ZNF33B: variants seen among roughly 807,000 people sequenced by gnomAD.
The protein encoded by ZNF33B is zinc finger protein 33B.
A neutral mutation model predicts 45.8 loss-of-function variants in ZNF33B; 29 were observed. The observed-to-expected ratio is 0.63, with a 90% CI of 0.47 to 0.86. The LOEUF (loss-of-function observed/expected upper bound fraction) is 0.86. ZNF33B is among the 40% of genes least tolerant of loss of function. ZNF33B has a pLI of 0.00. For missense variants in ZNF33B, 831 were observed against 909.9 expected (o/e 0.91, Z 1.12); for synonymous variants, 305 against 307.8 (o/e 0.99, Z 0.10).
chr10:42,591,155 C>G lies in ZNF33B; in HGVS notation c.*1458G>C. The G allele has an allele frequency of 8.1e-6, 4 of 494,516 alleles. No individual in the cohort carries two copies. Among genetic ancestry groups the G allele is most frequent in the Non-Finnish European group, 1.0e-5 (4 of 381,784 alleles). 30.6% of individuals were successfully genotyped at this position (494,516 alleles called of 1,614,324 possible). On this transcript the variant is annotated 3_prime_UTR_variant, in exon 5 of 5. Transcript: ENST00000359467. Reference sequence around the variant, plus strand: ...CTCCTCTTCATATTCTCAAAAGTCTCTGAAGGCCCAGATCCCTGTCTGGGT... The same window carrying G: ...CTCCTCTTCATATTCTCAAAAGTCTGTGAAGGCCCAGATCCCTGTCTGGGT...
intron 4 of ZNF33B, among the ~76,000 whole-genome samples, chr10:42,616,814 G>A (rs1452749529): frequency 6.6e-6 from 1 of 152,100 alleles, no homozygotes; most frequent in Admixed American, 6.6e-5. Context: ...TCCTGCCTCA[G>A]CCTCCTGAGT....
At chr10:42,625,038 TTATATATA>T (rs58614890) in intron 4 of ZNF33B, among the ~76,000 whole-genome samples, 2 of 145,510 alleles carry the variant, frequency 1.4e-5, no homozygotes, top group African/African-American at 2.5e-5. Flanking sequence ...GTTTCATATT[TTATATATA>T]TATATATATA....
Position 42,593,148 on chromosome 10 carries a change from CTATTA to C in ZNF33B, c.1797_1801del (p.His599GlnfsTer10), listed in dbSNP as rs1335502270. On this transcript the variant is annotated frameshift_variant, in exon 5 of 5. Coordinates refer to ENST00000359467, the MANE Select transcript of ZNF33B (RefSeq NM_006955.3). LOFTEE classifies it high-confidence loss of function. ...ATAGGGTTTCTCCCCTGTATGTGTT[CTATTA>C]TGTTTTGTTAGGTATGATTTATTGT... The C allele has an allele frequency of 4.3e-6, 7 of 1,613,420 alleles. No homozygotes were observed. The African/African-American group carries it at 9.4e-5, about 22-fold the overall frequency.
chr10:42,638,561 A>T lies in ZNF33B; in HGVS notation c.-132T>A, dbSNP rs41302245. ...CCGCCTCCCACGCAAAACGTGAGAC[A>T]AACAAAAGGAAAGGCGGAAACGCAG... is the stretch of plus-strand genomic sequence containing the variant. On this transcript the variant is annotated 5_prime_UTR_variant, in exon 1 of 5. Transcript: ENST00000359467. 4.2e-6 allele frequency: 2 copies of T among 474,672 alleles called. No homozygotes were observed. The highest frequency in any genetic ancestry group is 1.3e-4 in the East Asian group (2 of 15,944). The allele number at this position is 474,672 out of a possible 1,614,324, so 29.4% of individuals were successfully genotyped here.
chr10:42,610,364 T>C (rs1157060509), intron 4 of ZNF33B, among the ~76,000 whole-genome samples: 1 of 152,106 alleles, frequency 6.6e-6, no homozygotes, highest in Non-Finnish European at 1.5e-5. Context: ...GGTGAAACCC[T>C]GTCTCTACTA....
downstream of ZNF33B, among the ~76,000 whole-genome samples, chr10:42,586,083 C>T (rs1836928688): frequency 6.6e-6 from 1 of 151,780 alleles, no homozygotes; most frequent in African/African-American, 2.4e-5. Context: ...TACGGTTTCT[C>T]TAGGGTGTGC....
intron 4 of ZNF33B, among the ~76,000 whole-genome samples, chr10:42,609,580 T>C (rs1177652942): frequency 6.6e-6 from 1 of 152,198 alleles, no homozygotes; most frequent in Non-Finnish European, 1.5e-5. Flanking sequence ...GCTCATTCTA[T>C]GATCCCATTA....
chr10:42,583,440 GAGATGGTACTAGATAA>G (rs1836863330), intron 1 of ZNF33B: 2 of 310,934 alleles, frequency 6.4e-6, no homozygotes, highest in Non-Finnish European at 1.3e-5. Context: ...ATTGCCCGCT[GAGATGGTACTAGATAA>G]ATGGGAGCTG....
At chr10:42,627,979 T>C (rs1411685028) in intron 4 of ZNF33B, among the ~76,000 whole-genome samples, 1 of 152,202 alleles carries the variant, frequency 6.6e-6, no homozygotes, top group African/African-American at 2.4e-5. Flanking sequence ...CCATGGACAC[T>C]TGAGAAAAAA....
intron 4 of ZNF33B, among the ~76,000 whole-genome samples, chr10:42,598,660 G>A (rs1476443574): frequency 1.3e-5 from 2 of 152,208 alleles, no homozygotes; most frequent in Non-Finnish European, 2.9e-5. Flanking sequence ...TGACTGCACA[G>A]GTCACCTAGC....
intron 1 of ZNF33B, among the ~76,000 whole-genome samples, chr10:42,637,787 G>A (rs912660691): frequency 1.2e-4 from 18 of 151,970 alleles, no homozygotes; most frequent in African/African-American, 4.4e-4. Context: ...TCAGTAGCTG[G>A]GATTACAGTC....
chr10:42,591,732 A>C lies in ZNF33B; in HGVS notation c.*881T>G. 8.3e-6 allele frequency: 2 copies of C among 240,476 alleles called. No homozygotes were observed. Among genetic ancestry groups the C allele is most frequent in the Non-Finnish European group, 1.3e-5 (2 of 148,850 alleles). The allele number at this position is 240,476 out of a possible 1,614,324, so 14.9% of individuals were successfully genotyped here. On this transcript the variant is annotated 3_prime_UTR_variant, in exon 5 of 5. Coordinates refer to ENST00000359467, the MANE Select transcript of ZNF33B (RefSeq NM_006955.3). ...TTATTCAATTTATCTATGCTTTACA[A>C]AAAGCTTCATAGTCAAGTGGATGCC...
chr10:42,635,873 G>A (rs1378383778), intron 2 of ZNF33B, among the ~76,000 whole-genome samples: 3 of 151,376 alleles, frequency 2.0e-5, no homozygotes, highest in Admixed American at 6.6e-5. Context: ...GCTCACGCCT[G>A]TAATCCCAGC....
chr10:42,616,965 A>ATTACAG (rs1415349590), intron 4 of ZNF33B, among the ~76,000 whole-genome samples: 1 of 151,950 alleles, frequency 6.6e-6, no homozygotes, highest in Non-Finnish European at 1.5e-5. Flanking sequence ...AAGTGCTGGG[A>ATTACAG]TTACAGGCAT....
intron 4 of ZNF33B, among the ~76,000 whole-genome samples, chr10:42,626,516 C>T (rs1334711333): frequency 4.6e-5 from 7 of 151,886 alleles, no homozygotes; most frequent in African/African-American, 1.5e-4. Context: ...GGTGAAACAC[C>T]GTCTTTACTA....
downstream of ZNF33B, among the ~76,000 whole-genome samples, chr10:42,586,150 A>ATTTTT (rs67457246): frequency 8.0e-3 from 974 of 121,498 alleles, 33 homozygotes; most frequent in African/African-American, 0.028. Flanking sequence ...TTTTCCTCAG[A>ATTTTT]TTTTTTTTTT....
intron 4 of ZNF33B, among the ~76,000 whole-genome samples, chr10:42,604,392 C>A (rs1462700079): frequency 6.6e-6 from 1 of 151,748 alleles, no homozygotes. Context: ...TTGCAGTGAG[C>A]TGACATCATG....
At chr10:42,617,795 T>C (rs1838391250) in intron 4 of ZNF33B, among the ~76,000 whole-genome samples, 1 of 150,246 alleles carries the variant, frequency 6.7e-6, no homozygotes, top group Admixed American at 6.8e-5. Context: ...TAACAGATCA[T>C]GAGGTATTAT....
chr10:42,620,933 A>T (rs209383), intron 4 of ZNF33B, among the ~76,000 whole-genome samples: 4,605 of 152,224 alleles, frequency 0.03, 200 homozygotes, highest in East Asian at 0.13. Flanking sequence ...CATCAATAAG[A>T]TATAAAAATT....
Sources: gnomAD v4.1 joint callset for allele counts (sites outside exome capture counted in the v4.1 genomes callset) on GRCh38, gnomAD v4.1.1 for gene constraint, MANE v1.5 for transcripts, NCBI Gene and HGNC (gene_info 2026-07-23, HGNC 2026-07-21) for gene names.